Variants in CYP51A1 observed in about 807,000 individuals in gnomAD.
The protein encoded by CYP51A1 is lanosterol 14-alpha demethylase.
A neutral mutation model predicts 53.5 loss-of-function variants in CYP51A1; 45 were observed. The ratio of observed to expected loss-of-function variants is 0.84; its 90% CI spans 0.66 to 1.08. The LOEUF is 1.08. Among genes scored for constraint, CYP51A1 ranks in the 50% least tolerant of loss-of-function variants. The pLI is 0.00. For synonymous variants in CYP51A1, 181 were observed against 217.7 expected (o/e 0.83, Z 1.48); for missense variants, 462 against 621.7 (o/e 0.74, Z 2.73).
At chr7:92,118,370 A>C in intron 8 of CYP51A1, 150 bp downstream of exon 8, 1 of 645,760 alleles carries the variant, frequency 1.5e-6, no homozygotes, top group Non-Finnish European at 2.8e-6. Flanking sequence ...TATGTTGCCC[A>C]GGCTGGTCTC....
rs71292987 is a variant in CYP51A1 at position 92,131,736 on chromosome 7, G to GTT, written c.291+36_291+37dup. The GTT allele has an allele frequency of 0.031, 26,907 of 866,354 alleles. 642 individuals are homozygous for GTT. Among genetic ancestry groups the GTT allele is most frequent in the African/African-American group, 0.17 (9,286 of 55,576 alleles). The allele number at this position is 866,354 out of a possible 1,614,324, so 53.7% of individuals were successfully genotyped here. Reference sequence around the variant, plus strand: ...AAGTTTAAAAAGCACTTCTCTAGTTGTTTTTTTTTTTTTCCTCTAATTATT... The same window carrying GTT: ...AAGTTTAAAAAGCACTTCTCTAGTTGTTTTTTTTTTTTTTTCCTCTAATTATT... On this transcript the variant is annotated intron_variant, in intron 2 of 9. Transcript: ENST00000003100.
intron 1 of CYP51A1, among the ~76,000 whole-genome samples, chr7:92,133,306 G>T (rs1416403450): frequency 4.0e-5 from 6 of 151,534 alleles, no homozygotes; most frequent in African/African-American, 1.5e-4. Context: ...CCAGACTGGA[G>T]TCCAGTGGCG....
At chr7:92,131,429 C>T (rs747920589) in intron 2 of CYP51A1, among the ~76,000 whole-genome samples, 41 of 152,090 alleles carry the variant, frequency 2.7e-4, no homozygotes, top group East Asian at 5.8e-4. Context: ...GTTAGAAAAC[C>T]CCACAGATGC....
chr7:92,133,324 G>C (rs970243552), intron 1 of CYP51A1, among the ~76,000 whole-genome samples: 2 of 150,906 alleles, frequency 1.3e-5, no homozygotes, highest in Admixed American at 6.6e-5. Context: ...GCGCAATCTC[G>C]GTTTACTGCA....
intron 2 of CYP51A1, 124 bp from the exon 3 acceptor site, chr7:92,129,180 AT>A: frequency 1.8e-6 from 1 of 551,056 alleles, no homozygotes; most frequent in Non-Finnish European, 3.0e-6. Context: ...CCTTAAAGCA[AT>A]TCTTTTCATC....
chr7:92,131,111 G>A (rs1819907644), intron 2 of CYP51A1, among the ~76,000 whole-genome samples: 1 of 152,138 alleles, frequency 6.6e-6, no homozygotes, highest in Non-Finnish European at 1.5e-5. Context: ...GGAAAGTGAA[G>A]AATGAAGGCT....
At position 92,113,376 on chromosome 7, in the gene CYP51A1, ATAT is replaced by A. The variant is rs949341620; in HGVS notation, c.*286_*288del. ...CTCTTAAAATTACTATCTGGAAATT[ATAT>A]TATTTAGAATCTGCCAATTACCTAG... On this transcript the variant is annotated 3_prime_UTR_variant, in exon 10 of 10. Transcript: ENST00000003100. The A allele has an allele frequency of 2.1e-5, 6 of 281,370 alleles. No individual in the cohort carries two copies. The highest frequency in any genetic ancestry group is 3.3e-5 in the Non-Finnish European group (5 of 152,714). The allele number at this position is 281,370 out of a possible 1,614,324, so 17.4% of individuals were successfully genotyped here.
At chr7:92,123,038 A>G in intron 7 of CYP51A1, 82 bp downstream of exon 7, 1 of 1,080,156 alleles carries the variant, frequency 9.3e-7, no homozygotes, top group Non-Finnish European at 1.4e-6. Context: ...GTATATAGAA[A>G]ATCTCAAATT....
At chr7:92,120,529 C>T (rs993036463) in intron 7 of CYP51A1, among the ~76,000 whole-genome samples, 3 of 152,186 alleles carry the variant, frequency 2.0e-5, no homozygotes, top group Admixed American at 2.0e-4. Flanking sequence ...CTCAAGCGAC[C>T]TTCCCATCTC....
intron 7 of CYP51A1, among the ~76,000 whole-genome samples, chr7:92,121,590 C>T (rs2130947393): frequency 6.6e-6 from 1 of 152,190 alleles, no homozygotes; most frequent in East Asian, 1.9e-4. Context: ...AACTGATGAA[C>T]AAATAAACAA....
At chr7:92,133,920 G>A (rs1274539380) in intron 1 of CYP51A1, among the ~76,000 whole-genome samples, 4 of 152,210 alleles carry the variant, frequency 2.6e-5, no homozygotes, top group African/African-American at 9.6e-5. Flanking sequence ...CACAGCCGGG[G>A]AGGCCAGCAC....
chr7:92,127,693 C>A, intron 3 of CYP51A1, 62 bp from the exon 4 acceptor site: 1 of 1,539,232 alleles, frequency 6.5e-7, no homozygotes, highest in Non-Finnish European at 8.9e-7. Context: ...ATCATAAAAT[C>A]CATTTAGGTT....
chr7:92,127,162 A>C (rs1019066649), intron 4 of CYP51A1, among the ~76,000 whole-genome samples: 1 of 152,214 alleles, frequency 6.6e-6, no homozygotes, highest in Non-Finnish European at 1.5e-5. Context: ...ATATCAACTT[A>C]AGTATACCAA....
At position 92,112,828 on chromosome 7, in the gene CYP51A1, CAA is replaced by C. The variant is rs879010642; in HGVS notation, c.*835_*836del. ...TGGGCAACAGAGCGAGACTCCATCT[CAA>C]AAAAAAAAAAAAAAAAAGGAAGCAG... On this transcript the variant is annotated 3_prime_UTR_variant, in exon 10 of 10. Transcript: ENST00000003100. 3.8e-4 allele frequency: 18 copies of C among 47,090 alleles called. No individual in the cohort carries two copies. The highest frequency in any genetic ancestry group is 6.5e-4 in the East Asian group (1 of 1,550). The allele number at this position is 47,090 out of a possible 1,614,324, so 2.9% of individuals were successfully genotyped here.
At chr7:92,132,443 T>A (rs1819942617) in intron 1 of CYP51A1, among the ~76,000 whole-genome samples, 1 of 152,198 alleles carries the variant, frequency 6.6e-6, no homozygotes, top group South Asian at 2.1e-4. Flanking sequence ...GTTTTTTTAT[T>A]TGTATTATTT....
intron 8 of CYP51A1, among the ~76,000 whole-genome samples, 182 bp downstream of exon 8, chr7:92,118,338 G>A (rs980942949): frequency 6.6e-5 from 10 of 151,932 alleles, no homozygotes; most frequent in African/African-American, 2.4e-4. Context: ...AAAAAATTTT[G>A]TAGAGATGAG....
intron 8 of CYP51A1, among the ~76,000 whole-genome samples, chr7:92,117,924 G>A (rs1403605729): frequency 6.6e-6 from 1 of 150,472 alleles, no homozygotes; most frequent in African/African-American, 2.4e-5. Flanking sequence ...GGAGGCGGAG[G>A]TTGCAGTGAG....
intron 7 of CYP51A1, among the ~76,000 whole-genome samples, 199 bp from the exon 8 acceptor site, chr7:92,118,814 G>A (rs371996726): frequency 1.9e-4 from 29 of 152,240 alleles, no homozygotes; most frequent in African/African-American, 6.7e-4. Context: ...AGAAGCGATT[G>A]CCCTGAAGAA....
chr7:92,134,665 C>A (rs1017256865), upstream of CYP51A1: 2 of 359,146 alleles, frequency 5.6e-6, no homozygotes, highest in African/African-American at 2.1e-5. Context: ...AGATAACTTA[C>A]CTGAAGAGGC....
Sources: allele counts gnomAD v4.1 joint callset (sites outside exome capture counted in the v4.1 genomes callset), GRCh38; gene constraint gnomAD v4.1.1; transcripts MANE v1.5; gene names NCBI Gene and HGNC (gene_info 2026-07-23, HGNC 2026-07-21).